Variants in NRXN1 observed in about 807,000 individuals in gnomAD.
NRXN1 encodes neurexin 1, also known as neurexin-1.
A neutral mutation model predicts 150.9 loss-of-function variants in NRXN1; 39 were observed. That is an observed-to-expected ratio of 0.26 (90% CI 0.20 to 0.34). NRXN1 has a LOEUF of 0.34. Among genes scored for constraint, NRXN1 ranks in the 10% least tolerant of loss-of-function variants. The pLI, the probability that NRXN1 is intolerant of heterozygous loss-of-function variation, is 1.00. For missense variants in NRXN1, 1,815 were observed against 1,949.9 expected, an observed-to-expected ratio of 0.93 and a Z score of 1.30; for synonymous variants, 924 against 757.0, an observed-to-expected ratio of 1.22 and a Z score of -3.62.
intron 5 of NRXN1, among the ~76,000 whole-genome samples, chr2:50,730,836 C>A (rs1698013201): frequency 6.6e-6 from 1 of 151,962 alleles, no homozygotes; most frequent in East Asian, 1.9e-4. Context: ...CCACACCCAG[C>A]TAATTTTTTT....
chr2:50,023,468 C>T (rs1687860205), intron 21 of NRXN1: 1 of 151,864 alleles, frequency 6.6e-6, no homozygotes, highest in African/African-American at 2.4e-5. Flanking sequence ...ATTTTTTCTC[C>T]TGTAAATGCT....
intron 15 of NRXN1, among the ~76,000 whole-genome samples, chr2:50,475,147 G>C (rs1228540008): frequency 1.3e-5 from 2 of 152,062 alleles, no homozygotes; most frequent in Non-Finnish European, 2.9e-5. Flanking sequence ...ACTAATGAAT[G>C]TAGTAGAGTG....
intron 18 of NRXN1, among the ~76,000 whole-genome samples, chr2:50,119,422 C>A (rs1484595572): frequency 6.6e-6 from 1 of 151,958 alleles, no homozygotes; most frequent in East Asian, 1.9e-4. Flanking sequence ...TCTAAAATGT[C>A]CTAAAAGAAA....
At chr2:50,640,888 A>G (rs1199241714) in intron 5 of NRXN1, among the ~76,000 whole-genome samples, 3 of 152,178 alleles carry the variant, frequency 2.0e-5, no homozygotes, top group Non-Finnish European at 4.4e-5. Context: ...AAAGAAGGCA[A>G]CTGTCGATAT....
At chr2:50,557,443 G>A (rs1668422373) in intron 8 of NRXN1, among the ~76,000 whole-genome samples, 1 of 152,042 alleles carries the variant, frequency 6.6e-6, no homozygotes, top group African/African-American at 2.4e-5. Flanking sequence ...ATCTATCTTG[G>A]TTTTATCTTT....
At chr2:50,113,438 A>G (rs1702634902) in intron 18 of NRXN1, among the ~76,000 whole-genome samples, 1 of 152,212 alleles carries the variant, frequency 6.6e-6, no homozygotes, top group African/African-American at 2.4e-5. Flanking sequence ...ATGAATTAAT[A>G]TCTGCTTTTC....
At chr2:50,908,281 T>TA (rs888738742) in intron 5 of NRXN1, among the ~76,000 whole-genome samples, 1 of 151,768 alleles carries the variant, frequency 6.6e-6, no homozygotes, top group Non-Finnish European at 1.5e-5. Context: ...TGGAAAAACT[T>TA]AGAGATTTCA....
intron 5 of NRXN1, among the ~76,000 whole-genome samples, chr2:50,788,431 C>G (rs893550628): frequency 7.9e-5 from 12 of 152,078 alleles, no homozygotes; most frequent in Non-Finnish European, 1.6e-4. Context: ...TCTGTTGAGA[C>G]TGCATCAATG....
intron 17 of NRXN1, among the ~76,000 whole-genome samples, chr2:50,422,536 C>A (rs1339042424): frequency 6.6e-6 from 1 of 152,304 alleles, no homozygotes; most frequent in South Asian, 2.1e-4. Context: ...TGCTTCTCAA[C>A]TGAAGTTGCC....
At chr2:50,073,784 A>T (rs1025706263) in intron 19 of NRXN1, among the ~76,000 whole-genome samples, 1 of 152,226 alleles carries the variant, frequency 6.6e-6, no homozygotes, top group Non-Finnish European at 1.5e-5. Flanking sequence ...TTTTAGGAAG[A>T]GTTTGAGCAT....
intron 17 of NRXN1, among the ~76,000 whole-genome samples, chr2:50,270,518 A>C (rs1365006402): frequency 2.0e-5 from 3 of 152,148 alleles, no homozygotes; most frequent in Non-Finnish European, 4.4e-5. Flanking sequence ...TCTCCAGAAA[A>C]ATAAAAGGTA....
intron 5 of NRXN1, among the ~76,000 whole-genome samples, chr2:50,813,300 G>C (rs1396118492): frequency 6.6e-6 from 1 of 151,520 alleles, no homozygotes; most frequent in Non-Finnish European, 1.5e-5. Context: ...TTTCTTTTTT[G>C]TTATCTTTTA....
intron 5 of NRXN1, among the ~76,000 whole-genome samples, chr2:50,779,789 A>C (rs1704117369): frequency 6.6e-6 from 1 of 151,378 alleles, no homozygotes; most frequent in Non-Finnish European, 1.5e-5. Context: ...AAAATAAAAT[A>C]AAACAAAACA....
intron 8 of NRXN1, among the ~76,000 whole-genome samples, chr2:50,577,861 C>T (rs921945528): frequency 3.3e-5 from 5 of 152,072 alleles, no homozygotes; most frequent in African/African-American, 1.2e-4. Flanking sequence ...AAAACAGTTA[C>T]TAACCAATAA....
rs78727703 is a variant in NRXN1, at chr2:50,453,778, G to C, written c.3364+11664C>G. Among the ~76,000 whole-genome samples, 1,458 of 152,186 alleles carry C rather than the reference G, an allele frequency of 9.6e-3. 24 individuals are homozygous for C. The highest frequency in any genetic ancestry group is 0.033 in the African/African-American group (1,369 of 41,498). ...TCAGGGACACTGGAGGACTAAAGCA[G>C]AGCACAGAAGTGATATGCTACTACT... is the stretch of plus-strand genomic sequence containing the variant. On this transcript the variant is annotated intron_variant, in intron 17 of 22. Coordinates refer to ENST00000401669, the MANE Select transcript of NRXN1 (RefSeq NM_001330078.2).
chr2:50,094,728 G>A (rs1280469118), intron 18 of NRXN1, among the ~76,000 whole-genome samples: 1 of 150,972 alleles, frequency 6.6e-6, no homozygotes, highest in Non-Finnish European at 1.5e-5. Flanking sequence ...GTTACTAAAG[G>A]GATTGGGCTG....
At chr2:50,111,942 C>T (rs768693161) in intron 18 of NRXN1, among the ~76,000 whole-genome samples, 38 of 151,962 alleles carry the variant, frequency 2.5e-4, no homozygotes, top group Non-Finnish European at 4.7e-4. Context: ...GGTACCAAAC[C>T]GTAAGATATA....
chr2:50,603,576 C>G (rs1283303031), intron 8 of NRXN1, among the ~76,000 whole-genome samples: 2 of 152,108 alleles, frequency 1.3e-5, no homozygotes, highest in East Asian at 1.9e-4. Flanking sequence ...GTAGAAAATT[C>G]TTGTCTCTCT....
chr2:50,396,206 C>A (rs1466023299), intron 17 of NRXN1, among the ~76,000 whole-genome samples: 1 of 152,132 alleles, frequency 6.6e-6, no homozygotes, highest in Non-Finnish European at 1.5e-5. Flanking sequence ...ATCTTCAGCA[C>A]AGATAAAAGT....
Sources: gnomAD v4.1 joint callset for allele counts (sites outside exome capture counted in the v4.1 genomes callset) on GRCh38, gnomAD v4.1.1 for gene constraint, MANE v1.5 for transcripts, NCBI Gene and HGNC (gene_info 2026-07-23, HGNC 2026-07-21) for gene names.